The following ENTREP2 variants were observed in gnomAD, a reference collection of about 807,000 sequenced individuals.
The protein encoded by ENTREP2 is protein ENTREP2.
chr15:29,171,637 T>C, the ENTREP2 span, among the ~76,000 whole-genome samples: 1 of 152,150 alleles, frequency 6.6e-6, no homozygotes, highest in South Asian at 2.1e-4. Context: ...CAATACCCGA[T>C]TAGCAATTTC....
the ENTREP2 span, among the ~76,000 whole-genome samples, chr15:29,184,245 A>G: frequency 1.3e-5 from 2 of 152,328 alleles, no homozygotes; most frequent in East Asian, 3.9e-4. Flanking sequence ...TCGGCCTCCC[A>G]AAGTGCTGGG....
At chr15:29,664,631 C>T in the ENTREP2 span, among the ~76,000 whole-genome samples, 1 of 151,962 alleles carries the variant, frequency 6.6e-6, no homozygotes, top group Non-Finnish European at 1.5e-5. Context: ...GACTCGGACC[C>T]GCATTGGACT....
At chr15:29,390,890 T>C in the ENTREP2 span, among the ~76,000 whole-genome samples, 5 of 152,182 alleles carry the variant, frequency 3.3e-5, no homozygotes, top group African/African-American at 7.2e-5. Flanking sequence ...GGGTGCCCAA[T>C]AGCTACAGAG....
chr15:29,632,857 G>C, the ENTREP2 span, among the ~76,000 whole-genome samples: 2 of 152,186 alleles, frequency 1.3e-5, no homozygotes, highest in Non-Finnish European at 2.9e-5. Flanking sequence ...TTTTACATCA[G>C]GTTTCCCACC....
chr15:29,386,603 A>AC, the ENTREP2 span, among the ~76,000 whole-genome samples: 4 of 152,032 alleles, frequency 2.6e-5, no homozygotes, highest in South Asian at 2.1e-4. Flanking sequence ...AATGTATGTG[A>AC]CCCCCCAATT....
chr15:29,544,378 G>A, the ENTREP2 span, among the ~76,000 whole-genome samples: 1 of 152,298 alleles, frequency 6.6e-6, no homozygotes, highest in South Asian at 2.1e-4. Flanking sequence ...GGGGTACAGA[G>A]CTTCACTTTT....
At chr15:29,364,907 C>T in the ENTREP2 span, among the ~76,000 whole-genome samples, 1 of 152,142 alleles carries the variant, frequency 6.6e-6, no homozygotes, top group Non-Finnish European at 1.5e-5. Context: ...ACTGGTGAAC[C>T]TACATTGCCA....
chr15:29,630,329 T>C, the ENTREP2 span, among the ~76,000 whole-genome samples: 912 of 152,292 alleles, frequency 6.0e-3, 9 homozygotes, highest in African/African-American at 0.021. Context: ...ATGATGAACA[T>C]TCTGTCATTC....
chr15:29,224,204 A>G, the ENTREP2 span, among the ~76,000 whole-genome samples: 49,897 of 150,396 alleles, frequency 0.33, 9,963 homozygotes, highest in East Asian at 0.6. Flanking sequence ...CAGCTCTCAA[A>G]TCGGCGCGTC....
At chr15:29,269,208 C>A in the ENTREP2 span, 1 of 1,614,186 alleles carries the variant, frequency 6.2e-7, no homozygotes, top group South Asian at 1.1e-5. Context: ...CACCCCTCAT[C>A]TCGGCATCCT....
At chr15:29,385,838 C>A in the ENTREP2 span, among the ~76,000 whole-genome samples, 1 of 152,158 alleles carries the variant, frequency 6.6e-6, no homozygotes. Flanking sequence ...TCCCATGCCC[C>A]CCATCCTGTG....
chr15:29,318,926 C>G, the ENTREP2 span, among the ~76,000 whole-genome samples: 1 of 152,256 alleles, frequency 6.6e-6, no homozygotes, highest in Admixed American at 6.5e-5. Context: ...CATCACATAG[C>G]CATTTCCTCT....
the ENTREP2 span, among the ~76,000 whole-genome samples, chr15:29,238,477 A>C: frequency 6.6e-6 from 1 of 151,752 alleles, no homozygotes; most frequent in African/African-American, 2.4e-5. Context: ...CTAAAAAAAA[A>C]TACAAAAAAT....
At chr15:29,219,614 AATATATATATATATATATATATATAT>A in the ENTREP2 span, among the ~76,000 whole-genome samples, 3,283 of 38,448 alleles carry the variant, frequency 0.085, 380 homozygotes, top group African/African-American at 0.24. Flanking sequence ...GTGGTGCATA[AATATATATATATATATATATATATAT>A]ATATATATAT....
At chr15:29,208,417 T>C in the ENTREP2 span, among the ~76,000 whole-genome samples, 1 of 152,202 alleles carries the variant, frequency 6.6e-6, no homozygotes, top group African/African-American at 2.4e-5. Context: ...TTTGAAATGA[T>C]CGAGAAATGC....
the ENTREP2 span, among the ~76,000 whole-genome samples, chr15:29,588,950 G>A: frequency 6.7e-6 from 1 of 149,810 alleles, no homozygotes; most frequent in African/African-American, 2.5e-5. Context: ...TGATTGTGCC[G>A]CTGCACTCCA....
chr15:29,264,355 T>C, the ENTREP2 span, among the ~76,000 whole-genome samples: 1 of 152,122 alleles, frequency 6.6e-6, no homozygotes, highest in Non-Finnish European at 1.5e-5. Context: ...CCCATGGGTC[T>C]ATACAAAGTC....
At chr15:29,332,959 CAA>C in the ENTREP2 span, among the ~76,000 whole-genome samples, 26 of 48,334 alleles carry the variant, frequency 5.4e-4, no homozygotes, top group Non-Finnish European at 7.8e-4. Context: ...AACTCCATCT[CAA>C]AAAAAAAAAA....
At chr15:29,421,246 A>C in the ENTREP2 span, among the ~76,000 whole-genome samples, 1 of 152,178 alleles carries the variant, frequency 6.6e-6, no homozygotes, top group Non-Finnish European at 1.5e-5. Context: ...AAGTGAACAT[A>C]CCACTCTACA....
Sources: gnomAD v4.1 joint callset for allele counts (sites outside exome capture counted in the v4.1 genomes callset) on GRCh38, gnomAD v4.1.1 for gene constraint, MANE v1.5 for transcripts, NCBI Gene and HGNC (gene_info 2026-07-23, HGNC 2026-07-21) for gene names.